Variants in SNTG1 observed in about 807,000 individuals in gnomAD.
SNTG1 encodes the protein syntrophin gamma 1, also known as gamma-1-syntrophin.
SNTG1 carries 39 observed loss-of-function variants against 74.7 expected under a neutral mutation model. The observed-to-expected ratio is 0.52, with a 90% CI of 0.40 to 0.68. SNTG1 has a LOEUF of 0.68. SNTG1 is among the 30% of genes least tolerant of loss of function. The pLI, the probability that SNTG1 is intolerant of heterozygous loss-of-function variation, is 0.00. For synonymous variants in SNTG1, 254 were observed against 217.1 expected (o/e 1.17, Z -1.49); for missense variants, 685 against 609.5 (o/e 1.12, Z -1.30).
At chr8:50,374,225 T>C (rs766855903) in intron 2 of SNTG1, among the ~76,000 whole-genome samples, 3 of 152,228 alleles carry the variant, frequency 2.0e-5, no homozygotes, top group Admixed American at 1.3e-4. Context: ...TCCTGGTGAA[T>C]TGACCCTTTT....
chr8:50,011,123 G>T (rs150063510), intron 1 of SNTG1, among the ~76,000 whole-genome samples: 1 of 152,012 alleles, frequency 6.6e-6, no homozygotes, highest in Admixed American at 6.6e-5. Context: ...CACAAGCTCT[G>T]TAATAAATAT....
At chr8:50,245,810 G>A (rs761248948) in intron 2 of SNTG1, among the ~76,000 whole-genome samples, 1 of 152,082 alleles carries the variant, frequency 6.6e-6, no homozygotes, top group Non-Finnish European at 1.5e-5. Flanking sequence ...TATGTCAGTC[G>A]TAACACTATA....
At chr8:50,109,589 A>G (rs890224072) in intron 1 of SNTG1, among the ~76,000 whole-genome samples, 1 of 152,194 alleles carries the variant, frequency 6.6e-6, no homozygotes, top group Non-Finnish European at 1.5e-5. Context: ...AATGAATAGA[A>G]TACCCTACTA....
intron 13 of SNTG1, among the ~76,000 whole-genome samples, chr8:50,598,859 T>C (rs1395202843): frequency 1.3e-5 from 2 of 152,026 alleles, no homozygotes; most frequent in Admixed American, 6.6e-5. Context: ...TTCCTAATTT[T>C]TTTATGATAG....
chr8:50,506,204 T>C (rs1046320969), intron 9 of SNTG1, among the ~76,000 whole-genome samples: 6 of 152,134 alleles, frequency 3.9e-5, no homozygotes, highest in African/African-American at 1.2e-4. Flanking sequence ...CATTGTTCTA[T>C]GTGTCTGCAT....
rs144992331 is a variant in SNTG1, at chr8:50,547,123, A to G, written c.681-5927A>G. Among the ~76,000 whole-genome samples the G allele has an allele frequency of 3.4e-3, 516 of 152,202 alleles. 3 individuals carry two copies. The highest frequency in any genetic ancestry group is 5.6e-3 in the Admixed American group (85 of 15,292). ...ATGGCAAAAGTGCTCATAAACAGAA[A>G]CAGCACCCACGTCTGATGCGGCAGC... is the stretch of plus-strand genomic sequence containing the variant. On this transcript the variant is annotated intron_variant, in intron 11 of 18. Transcript: ENST00000642720.
At chr8:50,405,502 T>C (rs944839278) in intron 4 of SNTG1, among the ~76,000 whole-genome samples, 1 of 152,082 alleles carries the variant, frequency 6.6e-6, no homozygotes, top group South Asian at 2.1e-4. Flanking sequence ...GGATTGTTTG[T>C]TTTTTGGAGC....
intron 9 of SNTG1, among the ~76,000 whole-genome samples, chr8:50,518,545 A>G (rs116555453): frequency 6.6e-6 from 1 of 152,272 alleles, no homozygotes; most frequent in African/African-American, 2.4e-5. Flanking sequence ...GATTAACATA[A>G]TAGACCACTA....
intron 1 of SNTG1, among the ~76,000 whole-genome samples, chr8:49,934,347 CCTAT>C (rs1217906301): frequency 1.3e-5 from 2 of 151,634 alleles, no homozygotes; most frequent in Non-Finnish European, 2.9e-5. Flanking sequence ...ACTCAACCCA[CCTAT>C]CTACCTATCT....
intron 2 of SNTG1, among the ~76,000 whole-genome samples, 153 bp downstream of exon 2, chr8:50,172,788 A>AG (rs3086089): frequency 4.9e-5 from 4 of 81,550 alleles, no homozygotes; most frequent in African/African-American, 1.7e-4. Context: ...AAAAAAAAAA[A>AG]CAAAACCTCT....
intron 1 of SNTG1, among the ~76,000 whole-genome samples, chr8:50,008,305 A>G (rs1815442336): frequency 6.6e-6 from 1 of 152,182 alleles, no homozygotes; most frequent in South Asian, 2.1e-4. Flanking sequence ...ATGAGCCAGT[A>G]TTAGTACCTG....
chr8:49,951,338 T>A (rs1809677997), intron 1 of SNTG1, among the ~76,000 whole-genome samples: 1 of 152,196 alleles, frequency 6.6e-6, no homozygotes, highest in Admixed American at 6.5e-5. Context: ...TTGGTTACAA[T>A]ATCTAAATAA....
At chr8:50,333,279 T>A (rs964236543) in intron 2 of SNTG1, among the ~76,000 whole-genome samples, 2 of 152,224 alleles carry the variant, frequency 1.3e-5, no homozygotes, top group Non-Finnish European at 2.9e-5. Context: ...CCATAGAGAT[T>A]AAATGAATTA....
chr8:50,778,892 G>T (rs1370584408), intron 18 of SNTG1, among the ~76,000 whole-genome samples: 1 of 152,138 alleles, frequency 6.6e-6, no homozygotes, highest in African/African-American at 2.4e-5. Flanking sequence ...AAGGTGTAAG[G>T]AAGGGATCCA....
chr8:50,682,175 C>T (rs1480366654), intron 15 of SNTG1, among the ~76,000 whole-genome samples: 8 of 152,134 alleles, frequency 5.3e-5, no homozygotes, highest in African/African-American at 1.9e-4. Context: ...GGTGAGGGCA[C>T]ACATGGACAG....
At chr8:50,752,282 C>A (rs6473337) in intron 18 of SNTG1, among the ~76,000 whole-genome samples, 171 bp downstream of exon 18, 65,873 of 151,808 alleles carry the variant, frequency 0.43, 16,474 homozygotes, top group African/African-American at 0.7. Context: ...TTATTGGCAA[C>A]TTTTCACTTA....
intron 13 of SNTG1, among the ~76,000 whole-genome samples, chr8:50,647,608 C>G (rs949401830): frequency 6.6e-6 from 1 of 151,916 alleles, no homozygotes; most frequent in Admixed American, 6.6e-5. Context: ...CCCAAAACCA[C>G]TTTAAAAAAG....
At chr8:50,223,574 G>A (rs994481844) in intron 2 of SNTG1, among the ~76,000 whole-genome samples, 7 of 151,928 alleles carry the variant, frequency 4.6e-5, no homozygotes, top group African/African-American at 1.7e-4. Context: ...AGAAATTTAA[G>A]GAGAAATACG....
intron 17 of SNTG1, among the ~76,000 whole-genome samples, chr8:50,712,574 G>A (rs1400778299): frequency 1.3e-5 from 2 of 152,034 alleles, no homozygotes; most frequent in South Asian, 2.1e-4. Flanking sequence ...TGCCATGGTG[G>A]TTTGCTGTAT....
Sources: allele counts gnomAD v4.1 joint callset (sites outside exome capture counted in the v4.1 genomes callset), GRCh38; gene constraint gnomAD v4.1.1; transcripts MANE v1.5; gene names NCBI Gene and HGNC (gene_info 2026-07-23, HGNC 2026-07-21).